Variants in SCEL observed in about 807,000 individuals in gnomAD.
The protein encoded by SCEL is sciellin.
In SCEL, 113 loss-of-function variants were observed where a neutral mutation model predicts 117.6. The observed-to-expected ratio is 0.96, with a 90% CI of 0.83 to 1.12. SCEL has a LOEUF of 1.12. Among genes scored for constraint, SCEL ranks in the 50% most tolerant of loss-of-function variants. The pLI, the probability that SCEL is intolerant of heterozygous loss-of-function variation, is 0.00. For missense variants in SCEL, 785 were observed against 810.8 expected, an observed-to-expected ratio of 0.97 and a Z score of 0.39; for synonymous variants, 270 against 256.2, an observed-to-expected ratio of 1.05 and a Z score of -0.51.
chr13:77,589,331 A>G (rs774958205), intron 10 of SCEL, 107 bp downstream of exon 10: 12 of 737,512 alleles, frequency 1.6e-5, no homozygotes, highest in Non-Finnish European at 2.5e-5. Flanking sequence ...TTGTGTGCAC[A>G]TTCCCTAAAG....
intron 3 of SCEL, among the ~76,000 whole-genome samples, chr13:77,558,159 T>C (rs1438518940): frequency 6.6e-6 from 1 of 152,222 alleles, no homozygotes; most frequent in Non-Finnish European, 1.5e-5. Flanking sequence ...CGAGTGACGA[T>C]AGAATGTATA....
chr13:77,554,875 G>T (rs943824835), intron 1 of SCEL, among the ~76,000 whole-genome samples: 3 of 151,960 alleles, frequency 2.0e-5, no homozygotes, highest in Non-Finnish European at 2.9e-5. Context: ...ACCCCACCTA[G>T]GGTGACCAGC....
At chr13:77,564,825 T>C (rs1256425256) in intron 5 of SCEL, among the ~76,000 whole-genome samples, 1 of 152,224 alleles carries the variant, frequency 6.6e-6, no homozygotes, top group Non-Finnish European at 1.5e-5. Context: ...TTCTGCATTA[T>C]TCCTAGGCTT....
At chr13:77,577,141 C>T (rs2085991157) in intron 9 of SCEL, among the ~76,000 whole-genome samples, 1 of 152,100 alleles carries the variant, frequency 6.6e-6, no homozygotes, top group Non-Finnish European at 1.5e-5. Context: ...TTTCTCTTAC[C>T]TGATTACGCT....
At chr13:77,593,290 GTGTGTGTC>G (rs1319208951) in intron 11 of SCEL, among the ~76,000 whole-genome samples, 24 of 122,408 alleles carry the variant, frequency 2.0e-4, no homozygotes, top group African/African-American at 8.5e-4. Flanking sequence ...GTGTGTGTGT[GTGTGTGTC>G]TGTGTGTGTG....
chr13:77,551,015 G>A (rs985123196), intron 1 of SCEL, among the ~76,000 whole-genome samples: 8 of 152,176 alleles, frequency 5.3e-5, no homozygotes, highest in Admixed American at 2.6e-4. Context: ...CTGCATCCAC[G>A]TTCCCACTCT....
chr13:77,627,838 C>A, intron 27 of SCEL, 109 bp from the exon 28 acceptor site: 1 of 327,034 alleles, frequency 3.1e-6, no homozygotes. Context: ...CCTGATAGAC[C>A]ACAAATGACT....
At chr13:77,578,785 G>T (rs2086102306) in intron 9 of SCEL, among the ~76,000 whole-genome samples, 1 of 152,172 alleles carries the variant, frequency 6.6e-6, no homozygotes, top group Non-Finnish European at 1.5e-5. Flanking sequence ...TTTTGAGCAG[G>T]TAGAGTCTGG....
intron 1 of SCEL, among the ~76,000 whole-genome samples, chr13:77,540,765 G>C (rs543918): frequency 0.043 from 6,563 of 152,204 alleles, 481 homozygotes; most frequent in African/African-American, 0.15. Flanking sequence ...TGTCAGCCTT[G>C]TTATCAGTTC....
intron 10 of SCEL, 136 bp downstream of exon 10, chr13:77,589,360 T>C: frequency 1.8e-6 from 1 of 552,912 alleles, no homozygotes. Context: ...GTAGAACTTT[T>C]TCTAATTTTA....
At chr13:77,610,260 G>A (rs931604393) in intron 22 of SCEL, among the ~76,000 whole-genome samples, 154 bp downstream of exon 22, 1 of 151,992 alleles carries the variant, frequency 6.6e-6, no homozygotes, top group African/African-American at 2.4e-5. Flanking sequence ...AGACCATCCT[G>A]GCTAACATGG....
At chr13:77,621,660 G>A (rs1177527906) in intron 27 of SCEL, among the ~76,000 whole-genome samples, 1 of 152,106 alleles carries the variant, frequency 6.6e-6, no homozygotes, top group African/African-American at 2.4e-5. Flanking sequence ...TGCAATGCCT[G>A]GTACATGTTA....
In SCEL at chr13:77,644,442, C is replaced by T. The variant is rs1490164387; in HGVS notation, c.*168C>T. On this transcript the variant is annotated 3_prime_UTR_variant, in exon 33 of 33. Transcript: ENST00000349847. The stretch of plus-strand genomic sequence containing the variant: ...GTAATCTAATTGTCTTCAATAAGGT[C>T]ACACACATAAAAAGAGCCATCTGGT... 1 of 654,524 alleles carries T rather than the reference C, an allele frequency of 1.5e-6. No individual in the cohort carries two copies. The highest frequency in any genetic ancestry group is 2.6e-6 in the Non-Finnish European group (1 of 391,682). 40.5% of individuals were successfully genotyped at this position (654,524 alleles called of 1,614,324 possible). A position where few individuals can be genotyped will look rare whatever the true frequency, so the allele number is the denominator to read the frequency against.
At chr13:77,624,278 G>A (rs2089603920) in intron 27 of SCEL, among the ~76,000 whole-genome samples, 1 of 151,754 alleles carries the variant, frequency 6.6e-6, no homozygotes, top group South Asian at 2.1e-4. Flanking sequence ...GCTAATTTTT[G>A]TATTTTTAGT....
chr13:77,559,221 C>A (rs533341277), intron 3 of SCEL, among the ~76,000 whole-genome samples: 2 of 152,164 alleles, frequency 1.3e-5, no homozygotes, highest in Non-Finnish European at 2.9e-5. Flanking sequence ...GTCTTCGCTG[C>A]CTAATTCATA....
intron 27 of SCEL, among the ~76,000 whole-genome samples, chr13:77,625,408 T>C (rs962418780): frequency 9.2e-5 from 14 of 152,198 alleles, no homozygotes; most frequent in Non-Finnish European, 1.8e-4. Flanking sequence ...GGATTTATGC[T>C]GGGAGATTAT....
intron 22 of SCEL, among the ~76,000 whole-genome samples, chr13:77,612,456 CTTTTTTT>C (rs71102764): frequency 3.4e-4 from 32 of 93,600 alleles, no homozygotes; most frequent in East Asian, 4.0e-4. Context: ...TTTTTCTTTT[CTTTTTTT>C]TTTTTTTTTT....
chr13:77,633,171 TC>T (rs1438105134), intron 28 of SCEL, among the ~76,000 whole-genome samples: 70 of 147,778 alleles, frequency 4.7e-4, no homozygotes, highest in Middle Eastern at 4.0e-3. Flanking sequence ...GCGCGGTGGC[TC>T]ACGCCTGTAA....
At chr13:77,621,935 A>C (rs2089447150) in intron 27 of SCEL, among the ~76,000 whole-genome samples, 1 of 152,156 alleles carries the variant, frequency 6.6e-6, no homozygotes, top group African/African-American at 2.4e-5. Context: ...AAATTGCCTA[A>C]CTGCTCTGTG....
Sources: allele counts gnomAD v4.1 joint callset (sites outside exome capture counted in the v4.1 genomes callset), GRCh38; gene constraint gnomAD v4.1.1; transcripts MANE v1.5; gene names NCBI Gene and HGNC (gene_info 2026-07-23, HGNC 2026-07-21).